The following ADAMTSL3 variants were observed in gnomAD, a reference collection of about 807,000 sequenced individuals.
The protein encoded by ADAMTSL3 is ADAMTS like 3.
In ADAMTSL3, 128 loss-of-function variants were observed where a neutral mutation model predicts 201.7. The ratio of observed to expected loss-of-function variants is 0.63; its 90% CI spans 0.55 to 0.73. ADAMTSL3 has a LOEUF of 0.73. ADAMTSL3 is among the 30% of genes least tolerant of loss of function. ADAMTSL3 has a pLI of 0.00. For synonymous variants in ADAMTSL3, 738 were observed against 748.4 expected (o/e 0.99, Z 0.23); for missense variants, 1,990 against 2,119.6 (o/e 0.94, Z 1.20).
At chr15:83,990,141 A>G (rs564977655) in intron 22 of ADAMTSL3, among the ~76,000 whole-genome samples, 8 of 152,276 alleles carry the variant, frequency 5.3e-5, no homozygotes, top group Non-Finnish European at 1.0e-4. Context: ...TTCTAACCCA[A>G]TCATTTTTTT....
intron 2 of ADAMTSL3, among the ~76,000 whole-genome samples, chr15:83,674,746 CATATATACACACATATATACATAT>C (rs1567064092): frequency 1.1e-3 from 114 of 101,794 alleles, no homozygotes; most frequent in African/African-American, 3.9e-3. Flanking sequence ...CACATATATA[CATATATACACACATATATACATAT>C]ATATATATAT....
At chr15:83,816,812 C>T (rs573660743) in intron 5 of ADAMTSL3, among the ~76,000 whole-genome samples, 5 of 152,196 alleles carry the variant, frequency 3.3e-5, no homozygotes, top group East Asian at 1.9e-4. Context: ...TTGAGACCAG[C>T]GTGGGCAACA....
At chr15:83,721,868 G>T (rs1399110750) in intron 3 of ADAMTSL3, among the ~76,000 whole-genome samples, 1 of 152,112 alleles carries the variant, frequency 6.6e-6, no homozygotes, top group Non-Finnish European at 1.5e-5. Flanking sequence ...GAGTAGCTGG[G>T]ACTACAGGTG....
intron 3 of ADAMTSL3, among the ~76,000 whole-genome samples, chr15:83,768,560 A>G (rs776384567): frequency 6.6e-6 from 1 of 152,176 alleles, no homozygotes; most frequent in Non-Finnish European, 1.5e-5. Context: ...CATAGTTGCA[A>G]AGGATCTGGG....
At chr15:83,903,954 A>AGGAAGGAAGGAAGGAAGG (rs1258829960) in intron 15 of ADAMTSL3, among the ~76,000 whole-genome samples, 6 of 57,628 alleles carry the variant, frequency 1.0e-4, no homozygotes, top group African/African-American at 2.1e-4. Context: ...AGAAAAAAGA[A>AGGAAGGAAGGAAGGAAGG]AGAAAGAAAG....
chr15:83,897,385 G>C (rs1333781728), intron 13 of ADAMTSL3, among the ~76,000 whole-genome samples: 2 of 152,020 alleles, frequency 1.3e-5, no homozygotes, highest in African/African-American at 4.8e-5. Flanking sequence ...TCGTTATATG[G>C]TAGCAGTTTT....
intron 27 of ADAMTSL3, among the ~76,000 whole-genome samples, chr15:84,030,537 G>A (rs1041458252): frequency 3.1e-4 from 47 of 152,174 alleles, no homozygotes; most frequent in African/African-American, 1.1e-3. Context: ...TACCTCCACT[G>A]TATCTAGGAA....
intron 7 of ADAMTSL3, among the ~76,000 whole-genome samples, chr15:83,854,066 C>T (rs1242426850): frequency 6.6e-6 from 1 of 152,044 alleles, no homozygotes; most frequent in Non-Finnish European, 1.5e-5. Flanking sequence ...TAAGGATCTT[C>T]TTCATAACAT....
At chr15:83,910,434 C>T (rs2401180) in intron 15 of ADAMTSL3, among the ~76,000 whole-genome samples, 1 of 148,554 alleles carries the variant, frequency 6.7e-6, no homozygotes, top group African/African-American at 2.5e-5. Flanking sequence ...ATGCTGGATT[C>T]TGTGTAATTA....
chr15:83,889,118 A>G (rs1007672399), intron 10 of ADAMTSL3, among the ~76,000 whole-genome samples: 1 of 152,218 alleles, frequency 6.6e-6, no homozygotes, highest in African/African-American at 2.4e-5. Context: ...TTTTAAATTT[A>G]TAGCACTCAT....
intron 24 of ADAMTSL3, among the ~76,000 whole-genome samples, chr15:84,015,742 G>C (rs1045534724): frequency 6.6e-6 from 1 of 152,174 alleles, no homozygotes; most frequent in African/African-American, 2.4e-5. Flanking sequence ...GGCTAACCCT[G>C]TCTGGTTCTT....
At chr15:83,785,707 C>T (rs1236077027) in intron 4 of ADAMTSL3, among the ~76,000 whole-genome samples, 1 of 151,930 alleles carries the variant, frequency 6.6e-6, no homozygotes, top group Non-Finnish European at 1.5e-5. Flanking sequence ...TTGGTTCTTA[C>T]CCATTTGTTT....
intron 23 of ADAMTSL3, among the ~76,000 whole-genome samples, chr15:84,003,671 A>T (rs1432922106): frequency 6.6e-6 from 1 of 152,190 alleles, no homozygotes; most frequent in African/African-American, 2.4e-5. Flanking sequence ...TATACCACTC[A>T]AATCTACTTA....
At chr15:83,831,041 G>C (rs1016871255) in intron 6 of ADAMTSL3, among the ~76,000 whole-genome samples, 1 of 152,170 alleles carries the variant, frequency 6.6e-6, no homozygotes, top group Non-Finnish European at 1.5e-5. Flanking sequence ...CAAAAGAGTT[G>C]ATAGGCAGAA....
chr15:83,885,207 G>A lies in ADAMTSL3; in HGVS notation c.1067G>A (p.Gly356Glu). The change falls in exon 10 of 30, where the codon GGA becomes GAA. Residue 356 changes from glycine to glutamate, a missense_variant. Gly to Glu is a moderately conservative substitution (Grantham distance 98). Transcript: ENST00000286744. Reference protein sequence around the residue: ...TDFFPCTVTCGGGYQLNSAEC... With the variant: ...TDFFPCTVTCEGGYQLNSAEC... Reference sequence around the variant, plus strand: ...TTCTTTCCCTGCACTGTGACGTGTGGAGGAGGTGAGGCCCAGGCTTTGTTC... The same window carrying A: ...TTCTTTCCCTGCACTGTGACGTGTGAAGGAGGTGAGGCCCAGGCTTTGTTC... 6.2e-7 allele frequency: 1 copy of A among 1,606,500 alleles called. No individual in the cohort carries two copies. The highest frequency in any genetic ancestry group is 8.5e-7 in the Non-Finnish European group (1 of 1,173,266).
At chr15:83,747,256 C>T (rs1007195867) in intron 3 of ADAMTSL3, among the ~76,000 whole-genome samples, 2 of 152,196 alleles carry the variant, frequency 1.3e-5, no homozygotes, top group Admixed American at 6.5e-5. Flanking sequence ...CCTCCCTAAT[C>T]CCACACTTGC....
intron 3 of ADAMTSL3, among the ~76,000 whole-genome samples, chr15:83,720,638 G>A (rs1193039081): frequency 1.3e-5 from 2 of 152,174 alleles, no homozygotes; most frequent in Admixed American, 1.3e-4. Flanking sequence ...GTGTCAGTGG[G>A]CATTACACTC....
intron 27 of ADAMTSL3, among the ~76,000 whole-genome samples, chr15:84,027,697 G>A (rs547430556): frequency 2.6e-5 from 4 of 151,950 alleles, no homozygotes; most frequent in East Asian, 3.9e-4. Flanking sequence ...GCGACAGAGC[G>A]AGACTCTGTC....
chr15:83,959,705 G>T (rs534107242), intron 19 of ADAMTSL3, among the ~76,000 whole-genome samples: 2 of 152,294 alleles, frequency 1.3e-5, no homozygotes, highest in South Asian at 4.1e-4. Flanking sequence ...AGGAATCCAC[G>T]AGATGTCTAT....
Sources: allele counts gnomAD v4.1 joint callset (sites outside exome capture counted in the v4.1 genomes callset), GRCh38; gene constraint gnomAD v4.1.1; transcripts MANE v1.5; gene names NCBI Gene and HGNC (gene_info 2026-07-23, HGNC 2026-07-21).